SNX30: variants seen among roughly 807,000 people sequenced by gnomAD.
The protein encoded by SNX30 is sorting nexin-30.
In SNX30, 24 loss-of-function variants were observed where a neutral mutation model predicts 46.4. The observed-to-expected ratio is 0.52, with a 90% CI of 0.37 to 0.73. SNX30 has a LOEUF of 0.73. SNX30 is among the 30% of genes least tolerant of loss of function. The pLI is 0.00. For missense variants in SNX30, 533 were observed against 555.7 expected (o/e 0.96, Z 0.41); for synonymous variants, 189 against 211.5 (o/e 0.89, Z 0.92).
Position 112,873,402 on chromosome 9 carries a change from A to G in SNX30, c.*4559A>G, listed in dbSNP as rs752381050. On this transcript the variant is annotated 3_prime_UTR_variant, in exon 9 of 9. Coordinates refer to ENST00000374232, the MANE Select transcript of SNX30 (RefSeq NM_001012994.2). ...TTGTCCGTACCTACTAATATGCCTTATTCTTCTTCACCTAGTGTTTTAAAA... is the reference window on the plus strand; with the variant it reads ...TTGTCCGTACCTACTAATATGCCTTGTTCTTCTTCACCTAGTGTTTTAAAA... 2.0e-5 allele frequency: 3 copies of G among 152,234 alleles called. No individual in the cohort carries two copies. Among genetic ancestry groups the G allele is most frequent in the Non-Finnish European group, 2.9e-5 (2 of 68,038 alleles). The allele number at this position is 152,234 out of a possible 1,614,324, so 9.4% of individuals were successfully genotyped here. A position where few individuals can be genotyped will look rare whatever the true frequency, so the allele number is the denominator to read the frequency against.
intron 6 of SNX30, among the ~76,000 whole-genome samples, chr9:112,843,768 C>A (rs1192968407): frequency 6.6e-6 from 1 of 151,912 alleles, no homozygotes; most frequent in Non-Finnish European, 1.5e-5. Flanking sequence ...GTGCGCACCA[C>A]CACGCCCGGC....
At chr9:112,763,011 A>G (rs1839469306) in intron 1 of SNX30, among the ~76,000 whole-genome samples, 1 of 152,098 alleles carries the variant, frequency 6.6e-6, no homozygotes, top group African/African-American at 2.4e-5. Flanking sequence ...AGCCTGCCCC[A>G]TGGGTGGGCA....
intron 3 of SNX30, among the ~76,000 whole-genome samples, chr9:112,827,678 T>C (rs1049587829): frequency 1.3e-5 from 2 of 152,224 alleles, no homozygotes; most frequent in African/African-American, 4.8e-5. Flanking sequence ...TATTTCTGGT[T>C]TGTTTTTGTC....
intron 3 of SNX30, among the ~76,000 whole-genome samples, chr9:112,818,731 C>T (rs886634147): frequency 1.6e-4 from 25 of 152,200 alleles, no homozygotes; most frequent in Admixed American, 3.9e-4. Context: ...CTGTTACTAC[C>T]GCATCTCCCA....
At chr9:112,817,639 T>C (rs1314114520) in intron 2 of SNX30, 66 bp from the exon 3 acceptor site, 15 of 953,064 alleles carry the variant, frequency 1.6e-5, no homozygotes, top group South Asian at 2.7e-5. Flanking sequence ...AAGAGCTTTT[T>C]TCCTTCCCTT....
In SNX30 at chr9:112,751,155, A is replaced by G; in HGVS notation, c.154A>G (p.Lys52Glu). The stretch of plus-strand genomic sequence containing the variant: ...GCTGATGGCCCGCAGCTTCGGTGAC[A>G]AGGTGGGGCGCCTGGGGCCGGGGAG... The part of the protein sequence containing the change: ...DLLMARSFGD[K>E]DLILPNGGTP... The change falls in exon 1 of 9, where the codon AAG becomes GAG. Residue 52 changes from lysine to glutamate, a missense_variant and splice_region_variant. This residue lies in a region of SNX30 where 191 missense variants were observed against 160.3 expected (regional missense o/e 1.19). Coordinates refer to ENST00000374232, the MANE Select transcript of SNX30 (RefSeq NM_001012994.2). The G allele has an allele frequency of 6.6e-7, 1 of 1,514,164 alleles. No individual in the cohort carries two copies. The allele number at this position is 1,514,164 out of a possible 1,614,324, so 93.8% of individuals were successfully genotyped here.
At chr9:112,827,379 A>G (rs1840593477) in intron 3 of SNX30, among the ~76,000 whole-genome samples, 1 of 152,262 alleles carries the variant, frequency 6.6e-6, no homozygotes, top group South Asian at 2.1e-4. Context: ...GACGGTAGGC[A>G]AACAGCTAGT....
At chr9:112,803,836 GTGGTGCGC>G (rs1840176265) in intron 1 of SNX30, among the ~76,000 whole-genome samples, 1 of 46,104 alleles carries the variant, frequency 2.2e-5, no homozygotes, top group African/African-American at 9.3e-5. Context: ...ATATAGTCTC[GTGGTGCGC>G]CGTTTCTTAA....
chr9:112,879,683 A>G, downstream of SNX30: 1 of 1,385,466 alleles, frequency 7.2e-7, no homozygotes, highest in Non-Finnish European at 1.0e-6. Context: ...TGCTTAGGTC[A>G]CCAGTTCCCT....
At chr9:112,812,290 G>A (rs1420386146) in intron 2 of SNX30, among the ~76,000 whole-genome samples, 1 of 152,076 alleles carries the variant, frequency 6.6e-6, no homozygotes, top group Non-Finnish European at 1.5e-5. Flanking sequence ...GAGTCATCCT[G>A]TGTCACCCAG....
intron 8 of SNX30, among the ~76,000 whole-genome samples, chr9:112,865,934 A>G (rs752321675): frequency 6.6e-6 from 1 of 151,700 alleles, no homozygotes; most frequent in East Asian, 1.9e-4. Context: ...AACTATGTCA[A>G]ATGTCTCTGT....
chr9:112,836,963 C>T (rs1840764548), intron 5 of SNX30, among the ~76,000 whole-genome samples: 1 of 152,198 alleles, frequency 6.6e-6, no homozygotes, highest in African/African-American at 2.4e-5. Context: ...CTTCCCACCC[C>T]TCTCGGGGCC....
rs1588145806 is a variant in SNX30 at position 112,871,297 on chromosome 9, C to A, written c.*2454C>A. The A allele has an allele frequency of 2.6e-5, 4 of 152,142 alleles. No homozygotes were observed. Among genetic ancestry groups the A allele is most frequent in the African/African-American group, 4.8e-5 (2 of 41,406 alleles). The allele number at this position is 152,142 out of a possible 1,614,324, so 9.4% of individuals were successfully genotyped here. A position where few individuals can be genotyped will look rare whatever the true frequency, so the allele number is the denominator to read the frequency against. On this transcript the variant is annotated 3_prime_UTR_variant, in exon 9 of 9. Transcript: ENST00000374232. ...TCCAGAGAAAGGATTCCTTCCCAGC[C>A]TCCAGGCTGGTGTCTCATGAGGTGA... is the stretch of plus-strand genomic sequence containing the variant.
chr9:112,793,450 C>T (rs910464154), intron 1 of SNX30, among the ~76,000 whole-genome samples: 2 of 152,218 alleles, frequency 1.3e-5, no homozygotes, highest in Non-Finnish European at 2.9e-5. Context: ...TTTGCCTGTG[C>T]TTGGCATCCC....
intron 1 of SNX30, among the ~76,000 whole-genome samples, chr9:112,761,710 T>C (rs1213970423): frequency 6.6e-6 from 1 of 152,058 alleles, no homozygotes; most frequent in Non-Finnish European, 1.5e-5. Flanking sequence ...GGGAAGCACA[T>C]GTGCGAGTGA....
intron 7 of SNX30, among the ~76,000 whole-genome samples, chr9:112,861,179 A>T (rs572234384): frequency 1.3e-5 from 2 of 152,286 alleles, no homozygotes; most frequent in South Asian, 4.1e-4. Context: ...GCAGTGAGCA[A>T]ACTTGCATTT....
At chr9:112,826,943 A>T (rs775415246) in intron 3 of SNX30, among the ~76,000 whole-genome samples, 2 of 152,154 alleles carry the variant, frequency 1.3e-5, no homozygotes, top group African/African-American at 2.4e-5. Flanking sequence ...CGAATATTCT[A>T]CTCAAGTGTA....
chr9:112,768,311 T>C (rs1839579178), intron 1 of SNX30, among the ~76,000 whole-genome samples: 1 of 152,202 alleles, frequency 6.6e-6, no homozygotes, highest in African/African-American at 2.4e-5. Context: ...ATCTATTGCT[T>C]TAGAACCTCG....
intron 1 of SNX30, among the ~76,000 whole-genome samples, chr9:112,804,141 C>T (rs1048284021): frequency 5.1e-4 from 77 of 151,472 alleles, no homozygotes; most frequent in African/African-American, 1.7e-3. Flanking sequence ...TGTTCCTATT[C>T]GGCCATCTTG....
Sources: allele counts gnomAD v4.1 joint callset (sites outside exome capture counted in the v4.1 genomes callset), GRCh38; gene constraint gnomAD v4.1.1; regional missense constraint gnomAD v4.1.1; transcripts MANE v1.5; gene names NCBI Gene and HGNC (gene_info 2026-07-23, HGNC 2026-07-21).